Variants in DDC observed in about 807,000 individuals in gnomAD.
DDC encodes dopa decarboxylase, also known as aromatic-L-amino-acid decarboxylase.
DDC carries 43 observed loss-of-function variants against 60.0 expected under a neutral mutation model. The observed-to-expected ratio is 0.72, with a 90% CI of 0.56 to 0.92. The LOEUF is 0.92. DDC is among the 40% of genes least tolerant of loss of function. The pLI is 0.00. For missense variants in DDC, 573 were observed against 620.2 expected (o/e 0.92, Z 0.81); for synonymous variants, 232 against 234.6 (o/e 0.99, Z 0.10).
intron 6 of DDC, among the ~76,000 whole-genome samples, chr7:50,509,278 G>A (rs562891551): frequency 8.5e-5 from 13 of 152,342 alleles, no homozygotes; most frequent in African/African-American, 2.9e-4. Flanking sequence ...TCAGCAGAAT[G>A]TTCTGGAATT....
At position 50,462,768 on chromosome 7, in the gene DDC, G is replaced by GTTTTTTTTTTTTTTT. The variant is rs11302809; in HGVS notation, c.*18+430_*18+444dup. The stretch of plus-strand genomic sequence containing the variant: ...ATTAACATGGTTTTCTCTTCTTCTT[G>GTTTTTTTTTTTTTTT]TTTTTTTTTTTTTTTTTTTTTGGAC... On this transcript the variant is annotated intron_variant, in intron 14 of 14. Transcript: ENST00000444124. Among the ~76,000 whole-genome samples the GTTTTTTTTTTTTTTT allele has an allele frequency of 2.5e-4, 25 of 98,324 alleles. 1 individual carries two copies. The highest frequency in any genetic ancestry group is 5.8e-4 in the African/African-American group (15 of 25,642). The allele number at this position is 98,324 out of a possible 152,430, so 64.5% of individuals were successfully genotyped here. A position where few individuals can be genotyped will look rare whatever the true frequency, so the allele number is the denominator to read the frequency against.
Position 50,496,328 on chromosome 7 carries a change from G to A in DDC, c.877-911C>T, listed in dbSNP as rs115924214. Reference sequence around the variant, plus strand: ...GATCTCGAACTCTTGGGCTTAAGCCGTCCTCTTGCCTCAGCCTCCCAAAGT... The same window carrying A: ...GATCTCGAACTCTTGGGCTTAAGCCATCCTCTTGCCTCAGCCTCCCAAAGT... On this transcript the variant is annotated intron_variant, in intron 8 of 14. Coordinates refer to ENST00000444124, the MANE Select transcript of DDC (RefSeq NM_001082971.2). Among the ~76,000 whole-genome samples, 373 of 152,104 alleles carry A rather than the reference G, an allele frequency of 2.5e-3. 1 individual carries two copies. The highest frequency in any genetic ancestry group is 8.7e-3 in the African/African-American group (359 of 41,484).
At chr7:50,523,263 T>C (rs191102740) in intron 6 of DDC, among the ~76,000 whole-genome samples, 1 of 152,232 alleles carries the variant, frequency 6.6e-6, no homozygotes, top group African/African-American at 2.4e-5. Flanking sequence ...TTAGGATTGA[T>C]GATGAATTTT....
At chr7:50,490,101 T>C (rs1398659246) in intron 9 of DDC, among the ~76,000 whole-genome samples, 2 of 152,202 alleles carry the variant, frequency 1.3e-5, no homozygotes, top group Non-Finnish European at 2.9e-5. Context: ...TGTTCTGTCA[T>C]TGGTTATTTT....
At chr7:50,556,391 A>G (rs993495037) in intron 1 of DDC, among the ~76,000 whole-genome samples, 21 of 152,024 alleles carry the variant, frequency 1.4e-4, no homozygotes, top group African/African-American at 4.8e-5. Flanking sequence ...TTATAAGGTT[A>G]CTCATTCCAT....
intron 1 of DDC, among the ~76,000 whole-genome samples, chr7:50,561,727 T>C (rs1332609089): frequency 2.0e-5 from 3 of 150,466 alleles, no homozygotes; most frequent in East Asian, 4.0e-4. Flanking sequence ...ACTCCGTTTC[T>C]CCTGAAGGTG....
At chr7:50,538,533 G>A (rs1489188260) in intron 3 of DDC, among the ~76,000 whole-genome samples, 1 of 152,156 alleles carries the variant, frequency 6.6e-6, no homozygotes, top group Non-Finnish European at 1.5e-5. Context: ...GCAACATCCC[G>A]ATGCGTCACC....
chr7:50,505,482 T>C (rs1261595456), intron 6 of DDC, among the ~76,000 whole-genome samples: 1 of 152,184 alleles, frequency 6.6e-6, no homozygotes, highest in Non-Finnish European at 1.5e-5. Flanking sequence ...AGGATAAAGA[T>C]AGAGAGGTCA....
chr7:50,546,148 C>G (rs2044801849), intron 1 of DDC, among the ~76,000 whole-genome samples: 1 of 152,184 alleles, frequency 6.6e-6, no homozygotes, highest in Non-Finnish European at 1.5e-5. Context: ...ATGGTGATGA[C>G]CTTACTATCA....
chr7:50,501,847 G>A (rs1025081199), intron 7 of DDC, among the ~76,000 whole-genome samples: 1 of 152,160 alleles, frequency 6.6e-6, no homozygotes, highest in Non-Finnish European at 1.5e-5. Flanking sequence ...GCTGAGGCGG[G>A]CATATCATCT....
intron 4 of DDC, among the ~76,000 whole-genome samples, chr7:50,533,265 C>T (rs1215568818): frequency 6.6e-6 from 1 of 150,754 alleles, no homozygotes; most frequent in African/African-American, 2.4e-5. Flanking sequence ...TCATTTTTAC[C>T]ATGAATGTCC....
At chr7:50,556,481 A>G (rs1315616736) in intron 1 of DDC, among the ~76,000 whole-genome samples, 3 of 152,184 alleles carry the variant, frequency 2.0e-5, no homozygotes, top group Admixed American at 2.0e-4. Context: ...GGATTTCAAC[A>G]TAGGAATGTT....
chr7:50,521,803 A>G (rs2043897820), intron 6 of DDC, among the ~76,000 whole-genome samples: 1 of 152,162 alleles, frequency 6.6e-6, no homozygotes, highest in African/African-American at 2.4e-5. Flanking sequence ...TACTTGATGA[A>G]TGAAAAACCT....
rs577596145 is a variant in DDC at position 50,555,882 on chromosome 7, T to C, written c.-29+9403A>G. 4.6e-5 allele frequency among the ~76,000 whole-genome samples: 7 copies of C among 152,286 alleles called. No individual in the cohort carries two copies. In the South Asian group the frequency reaches 1.5e-3, roughly 32 times the overall value. On this transcript the variant is annotated intron_variant, in intron 1 of 14. Coordinates refer to ENST00000444124, the MANE Select transcript of DDC (RefSeq NM_001082971.2). ...GCTCCTGAAGGCACCTGAGAGAATG[T>C]CCTGGACTCAAACACAGGTACAGAG...
At chr7:50,466,034 A>G (rs1039641221) in intron 13 of DDC, among the ~76,000 whole-genome samples, 3 of 152,228 alleles carry the variant, frequency 2.0e-5, no homozygotes, top group Non-Finnish European at 2.9e-5. Flanking sequence ...GAGCTCCAAG[A>G]GTCAGGTGAG....
At position 50,467,268 on chromosome 7, in the gene DDC, G is replaced by A; in HGVS notation, c.1188C>T (p.Pro396=). ...HEFESLVRQD[P]RFEICVEVIL... is the part of the protein sequence containing the mutation. ...TGACTTCCACACAGATTTCAAAGCGGGGATCCTGGCGCACCAGTGACTCAA... is the reference window on the plus strand; with the variant it reads ...TGACTTCCACACAGATTTCAAAGCGAGGATCCTGGCGCACCAGTGACTCAA... The change falls in exon 13 of 15, where the codon CCC becomes CCT. Residue 396 remains proline (P), a synonymous_variant. Coordinates refer to ENST00000444124, the MANE Select transcript of DDC (RefSeq NM_001082971.2). 6.2e-7 allele frequency: 1 copy of A among 1,614,178 alleles called. No individual in the cohort carries two copies. Among genetic ancestry groups the A allele is most frequent in the Non-Finnish European group, 8.5e-7 (1 of 1,180,014 alleles).
chr7:50,520,558 A>G (rs1290201579), intron 6 of DDC, among the ~76,000 whole-genome samples: 2 of 152,266 alleles, frequency 1.3e-5, no homozygotes, highest in African/African-American at 2.4e-5. Context: ...ATTAGAAAAG[A>G]AGGGAAATCT....
In DDC at chr7:50,479,528, C is replaced by T. The variant is rs75810510; in HGVS notation, c.1021+259G>A. On this transcript the variant is annotated intron_variant, in intron 10 of 14. Transcript: ENST00000444124. Reference sequence around the variant, plus strand: ...AAAATCCCATGGCTGTGCCCACCTGCCCCTGCTCCTGCAATGAGCCCAGCA... The same window carrying T: ...AAAATCCCATGGCTGTGCCCACCTGTCCCTGCTCCTGCAATGAGCCCAGCA... Among the ~76,000 whole-genome samples the T allele has an allele frequency of 3.3e-5, 5 of 152,316 alleles. No individual in the cohort carries two copies. In the East Asian group the frequency reaches 7.7e-4, roughly 23 times the overall value.
intron 1 of DDC, chr7:50,564,078 C>T (rs2045388784): frequency 6.6e-6 from 1 of 152,188 alleles, no homozygotes; most frequent in Non-Finnish European, 1.5e-5. Context: ...AGGCAGATGG[C>T]TGTGTCTCTT....
Sources: allele counts gnomAD v4.1 joint callset (sites outside exome capture counted in the v4.1 genomes callset), GRCh38; gene constraint gnomAD v4.1.1; transcripts MANE v1.5; gene names NCBI Gene and HGNC (gene_info 2026-07-23, HGNC 2026-07-21).